ZNF91: variants seen among roughly 807,000 people sequenced by gnomAD.
The protein encoded by ZNF91 is zinc finger protein 91.
Under a neutral mutation model 12.6 loss-of-function variants are expected in ZNF91, and 7 were observed. That is an observed-to-expected ratio of 0.55 (90% CI 0.31 to 1.04). ZNF91 has a LOEUF of 1.04. Among genes scored for constraint, ZNF91 ranks in the 50% least tolerant of loss-of-function variants. The probability of loss-of-function intolerance (pLI) is 0.05; values close to 1 mark genes in which losing one functional copy is unlikely to be tolerated. For missense variants in ZNF91, 1,217 were observed against 1,385.4 expected (o/e 0.88, Z 1.93); for synonymous variants, 453 against 462.6 (o/e 0.98, Z 0.27).
chr19:23,356,342 T>C (rs1242755671), downstream of ZNF91, among the ~76,000 whole-genome samples: 1 of 152,068 alleles, frequency 6.6e-6, no homozygotes, highest in Non-Finnish European at 1.5e-5. Context: ...TATATAAATA[T>C]ATAAACACTT....
At chr19:23,348,497 T>C (rs562670844) in intron 3 of ZNF91, among the ~76,000 whole-genome samples, 1 of 152,366 alleles carries the variant, frequency 6.6e-6, no homozygotes, top group African/African-American at 2.4e-5. Flanking sequence ...CCTATGCCTG[T>C]CTTTACTTTA....
chr19:23,384,442 A>C, intron 1 of ZNF91: 1 of 346,836 alleles, frequency 2.9e-6, no homozygotes, highest in South Asian at 6.3e-5. Context: ...ACAGTTCCTA[A>C]CGAAAAAGAT....
chr19:23,360,113 G>T lies in ZNF91; in HGVS notation c.2866C>A (p.His956Asn). Residue 956 changes from histidine to asparagine, a missense_variant, in exon 4 of 4, where the codon CAT becomes AAT. Physicochemically the swap from His to Asn is moderately conservative, Grantham distance 68. Around this residue, in one of 2 missense-constraint regions of ZNF91, gnomAD observed 491 missense variants for 489.8 expected, o/e 1.00. Coordinates refer to ENST00000300619, the MANE Select transcript of ZNF91 (RefSeq NM_003430.4). ...TTCTCTCCAGTATGAATTATCTTAT[G>T]TGTAGTAAGGGTTGAGGATTGGCTA... Reference protein sequence around the residue: ...AFSQSSTLTTHKIIHTGEKPY... With the variant: ...AFSQSSTLTTNKIIHTGEKPY... 1 of 1,613,548 alleles carries T rather than the reference G, an allele frequency of 6.2e-7. No individual in the cohort carries two copies. Among genetic ancestry groups the T allele is most frequent in the Non-Finnish European group, 8.5e-7 (1 of 1,179,972 alleles).
At chr19:23,318,954 T>C (rs1310642115) in intron 1 of ZNF91, among the ~76,000 whole-genome samples, 1 of 152,178 alleles carries the variant, frequency 6.6e-6, no homozygotes, top group African/African-American at 2.4e-5. Context: ...TGATCACTGT[T>C]GTAATTTTGA....
intron 1 of ZNF91, among the ~76,000 whole-genome samples, chr19:23,392,964 C>G (rs1970114242): frequency 6.6e-6 from 1 of 152,144 alleles, no homozygotes; most frequent in African/African-American, 2.4e-5. Context: ...TCAGGAGACT[C>G]TGAACTATGC....
At position 23,395,455 on chromosome 19, in the gene ZNF91, C is replaced by T. The variant is rs1192220916; in HGVS notation, c.-101G>A. 6.3e-6 allele frequency: 9 copies of T among 1,434,370 alleles called. No homozygotes were observed. The highest frequency in any genetic ancestry group is 8.6e-6 in the Non-Finnish European group (9 of 1,045,398). The allele number at this position is 1,434,370 out of a possible 1,614,324, so 88.9% of individuals were successfully genotyped here. ...CAGTGAAGTCGAGACCTGGAAACTC[C>T]GGCGGCAGCGAGAGACAAAGGCCCA... is the stretch of plus-strand genomic sequence containing the variant. On this transcript the variant is annotated 5_prime_UTR_variant, in exon 1 of 4. Coordinates refer to ENST00000300619, the MANE Select transcript of ZNF91 (RefSeq NM_003430.4).
chr19:23,395,427 G>A lies in ZNF91; in HGVS notation c.-73C>T. ...TGGGCCTCCTGGAGCAGAGGACACA[G>A]AGCAGTGAAGTCGAGACCTGGAAAC... On this transcript the variant is annotated 5_prime_UTR_variant, in exon 1 of 4. Coordinates refer to ENST00000300619, the MANE Select transcript of ZNF91 (RefSeq NM_003430.4). 5 of 1,571,442 alleles carry A rather than the reference G, an allele frequency of 3.2e-6. No homozygotes were observed. Among genetic ancestry groups the A allele is most frequent in the Non-Finnish European group, 4.3e-6 (5 of 1,154,014 alleles).
chr19:23,342,069 C>T (rs1968137150), intron 3 of ZNF91: 1 of 330,678 alleles, frequency 3.0e-6, no homozygotes, highest in Non-Finnish European at 5.5e-6. Flanking sequence ...GGAAACCTTT[C>T]CATGGAAGCA....
chr19:23,320,583 A>C (rs1171346060), intron 1 of ZNF91, among the ~76,000 whole-genome samples: 4 of 152,222 alleles, frequency 2.6e-5, no homozygotes, highest in African/African-American at 9.7e-5. Context: ...CAGATCTCTG[A>C]GAACTCACTC....
downstream of ZNF91, among the ~76,000 whole-genome samples, chr19:23,335,912 A>G (rs946083718): frequency 2.0e-5 from 3 of 152,144 alleles, no homozygotes; most frequent in African/African-American, 7.2e-5. Flanking sequence ...TCATGCTGGG[A>G]GCCGTAGACT....
At chr19:23,390,586 G>C (rs899034596) in intron 1 of ZNF91, among the ~76,000 whole-genome samples, 2 of 152,138 alleles carry the variant, frequency 1.3e-5, no homozygotes, top group Admixed American at 1.3e-4. Flanking sequence ...TTGAACTCCT[G>C]ACCTCAAGGG....
In ZNF91 at chr19:23,360,366, T is replaced by C. The variant is rs746178340; in HGVS notation, c.2613A>G (p.Thr871=). Residue 871 remains threonine (T), a synonymous_variant, in exon 4 of 4, where the codon ACA becomes ACG. Coordinates refer to ENST00000300619, the MANE Select transcript of ZNF91 (RefSeq NM_003430.4). ...KAFNQSSNLT[T]HKIIHTKEKP... is the part of the protein sequence containing the mutation. ...TCTCTTTAGTATGAATTATCTTATGTGTCGTAAGATTTGAAGATTGATTAA... is the reference window on the plus strand; with the variant it reads ...TCTCTTTAGTATGAATTATCTTATGCGTCGTAAGATTTGAAGATTGATTAA... The C allele has an allele frequency of 3.1e-6, 5 of 1,614,130 alleles. No homozygotes were observed. Among genetic ancestry groups the C allele is most frequent in the Non-Finnish European group, 4.2e-6 (5 of 1,180,000 alleles).
At chr19:23,381,093 A>G (rs1969698142) in intron 1 of ZNF91, among the ~76,000 whole-genome samples, 1 of 152,154 alleles carries the variant, frequency 6.6e-6, no homozygotes, top group Non-Finnish European at 1.5e-5. Flanking sequence ...ACTAATCTCT[A>G]CTGTAACAAT....
chr19:23,327,477 A>G (rs933032952), intron 1 of ZNF91: 6 of 152,216 alleles, frequency 3.9e-5, no homozygotes, highest in Non-Finnish European at 7.3e-5. Flanking sequence ...TAACAAAGAA[A>G]AAGTTTGCAT....
chr19:23,372,047 C>CAAAAAAA (rs1479706756), intron 3 of ZNF91, among the ~76,000 whole-genome samples: 1 of 152,042 alleles, frequency 6.6e-6, no homozygotes, highest in African/African-American at 2.4e-5. Context: ...TACAGGCTGA[C>CAAAAAAA]AAAAGTGGCT....
intron 1 of ZNF91, among the ~76,000 whole-genome samples, chr19:23,387,240 T>A (rs908457128): frequency 6.6e-6 from 1 of 152,244 alleles, no homozygotes; most frequent in Non-Finnish European, 1.5e-5. Flanking sequence ...TGGCAATTCC[T>A]CACAGAACTA....
intron 3 of ZNF91, among the ~76,000 whole-genome samples, chr19:23,346,094 T>TTAAC (rs1968224752): frequency 3.3e-5 from 5 of 152,142 alleles, no homozygotes; most frequent in Admixed American, 3.3e-4. Flanking sequence ...CTGAACATGT[T>TTAAC]GTTAGAGTTC....
rs756673944 is a variant in ZNF91 at position 23,360,819 on chromosome 19, G to A, written c.2160C>T (p.Gly720=). ...GEKLYKCEEC[G]KAFNRSSNLT... is the part of the protein sequence containing the mutation. ...GATTTGAAGATCGATTAAAAGCTTT[G>A]CCACATTCTTCACATTTGTAGAGTT... The change falls in exon 4 of 4, where the codon GGC becomes GGT. Residue 720 remains glycine (G), a synonymous_variant. Coordinates refer to ENST00000300619, the MANE Select transcript of ZNF91 (RefSeq NM_003430.4). The A allele has an allele frequency of 3.7e-6, 6 of 1,613,368 alleles. No homozygotes were observed. Among genetic ancestry groups the A allele is most frequent in the Non-Finnish European group, 5.1e-6 (6 of 1,179,676 alleles).
chr19:23,353,191 T>C (rs751220801), downstream of ZNF91, among the ~76,000 whole-genome samples: 79 of 152,262 alleles, frequency 5.2e-4, no homozygotes, highest in Middle Eastern at 6.8e-3. Context: ...TTCTCCAAGA[T>C]AGATCATATG....
Sources: allele counts gnomAD v4.1 joint callset (sites outside exome capture counted in the v4.1 genomes callset), GRCh38; gene constraint gnomAD v4.1.1; regional missense constraint gnomAD v4.1.1; transcripts MANE v1.5; gene names NCBI Gene and HGNC (gene_info 2026-07-23, HGNC 2026-07-21).